Variants in KSR2 observed in about 807,000 individuals in gnomAD.
The protein encoded by KSR2 is kinase suppressor of ras 2.
Under a neutral mutation model 107.8 loss-of-function variants are expected in KSR2, and 25 were observed. That is an observed-to-expected ratio of 0.23 (90% CI 0.17 to 0.32). The LOEUF (loss-of-function observed/expected upper bound fraction) is 0.32. Ranked by LOEUF, KSR2 falls within the 10% of genes least tolerant of loss-of-function variation. The probability of loss-of-function intolerance (pLI) is 1.00; values close to 1 mark genes in which losing one functional copy is unlikely to be tolerated. For synonymous variants in KSR2, 480 were observed against 507.0 expected (o/e 0.95, Z 0.71); for missense variants, 887 against 1,268.9 (o/e 0.70, Z 4.57).
At chr12:117,564,663 T>C (rs756912273) in intron 7 of KSR2, among the ~76,000 whole-genome samples, 2 of 152,180 alleles carry the variant, frequency 1.3e-5, no homozygotes, top group Non-Finnish European at 2.9e-5. Flanking sequence ...AATATGTGAA[T>C]TTATCTTGAG....
intron 5 of KSR2, among the ~76,000 whole-genome samples, chr12:117,610,535 G>T (rs2136315216): frequency 6.6e-6 from 1 of 152,156 alleles, no homozygotes; most frequent in East Asian, 1.9e-4. Context: ...ATCTCTTGAG[G>T]TCAAGGGTTC....
intron 5 of KSR2, among the ~76,000 whole-genome samples, chr12:117,655,010 C>A (rs554482539): frequency 6.6e-6 from 1 of 152,320 alleles, no homozygotes; most frequent in East Asian, 1.9e-4. Context: ...GCCCAATTTG[C>A]CAGCAGCAGA....
At chr12:117,621,739 T>C (rs944840222) in intron 5 of KSR2, among the ~76,000 whole-genome samples, 2 of 152,076 alleles carry the variant, frequency 1.3e-5, no homozygotes, top group African/African-American at 4.8e-5. Context: ...AAGTGAAGAG[T>C]ACATAGGAAC....
Position 117,463,017 on chromosome 12 carries a change from A to G in KSR2, c.*4182T>C, listed in dbSNP as rs537145710. On this transcript the variant is annotated 3_prime_UTR_variant, in exon 20 of 20. Transcript: ENST00000339824. ...AGAAACCAACCCTGCTGACACCTTG[A>G]TCTTGGGACTTCCAGCCTCAAGAAT... 5 of 152,354 alleles carry G rather than the reference A, an allele frequency of 3.3e-5. No individual in the cohort carries two copies. In the East Asian group the frequency reaches 9.6e-4, roughly 29 times the overall value. 9.4% of individuals were successfully genotyped at this position (152,354 alleles called of 1,614,324 possible).
rs1246200364 is a variant in KSR2, at chr12:117,455,030, C to CAGAGAGAGAGAGAGAGAGAGAGAGAG, written c.*12168_*12169insCTCTCTCTCTCTCTCTCTCTCTCTCT. The CAGAGAGAGAGAGAGAGAGAGAGAGAG allele has an allele frequency of 5.8e-5, 7 of 120,170 alleles. No individual in the cohort carries two copies. The highest frequency in any genetic ancestry group is 1.2e-4 in the African/African-American group (3 of 25,020). 7.4% of individuals were successfully genotyped at this position (120,170 alleles called of 1,614,324 possible). On this transcript the variant is annotated 3_prime_UTR_variant, in exon 20 of 20. Transcript: ENST00000339824. ...AGACAGAGACAGACACAGAGACAGA[C>CAGAGAGAGAGAGAGAGAGAGAGAGAG]AGACAGAGAGAGAGAGAGAGAGAGA...
intron 4 of KSR2, among the ~76,000 whole-genome samples, chr12:117,694,514 A>G (rs1441595573): frequency 1.3e-5 from 2 of 152,212 alleles, no homozygotes; most frequent in Admixed American, 6.5e-5. Flanking sequence ...TACTAGCAGC[A>G]TGAGAGCAGA....
intron 14 of KSR2, among the ~76,000 whole-genome samples, chr12:117,493,192 A>G (rs1289796675): frequency 6.6e-6 from 1 of 152,142 alleles, no homozygotes; most frequent in East Asian, 1.9e-4. Flanking sequence ...CATGAATATT[A>G]TTGCTAATAA....
At chr12:117,615,173 A>T (rs918157343) in intron 5 of KSR2, among the ~76,000 whole-genome samples, 4 of 151,452 alleles carry the variant, frequency 2.6e-5, no homozygotes, top group Non-Finnish European at 4.4e-5. Context: ...GGTAAGACAC[A>T]CTCAGAGTCC....
chr12:117,635,672 A>G (rs1883033603), intron 5 of KSR2, among the ~76,000 whole-genome samples: 1 of 152,228 alleles, frequency 6.6e-6, no homozygotes, highest in Non-Finnish European at 1.5e-5. Flanking sequence ...TCAGATTTAC[A>G]GAAAAGTTGC....
chr12:117,783,131 A>G (rs1889942911), intron 3 of KSR2, among the ~76,000 whole-genome samples: 1 of 152,136 alleles, frequency 6.6e-6, no homozygotes, highest in East Asian at 1.9e-4. Context: ...CCTTTTTTGG[A>G]AAGTGTACCG....
At chr12:117,861,069 G>C (rs2137247565) in intron 1 of KSR2, among the ~76,000 whole-genome samples, 1 of 152,236 alleles carries the variant, frequency 6.6e-6, no homozygotes, top group Admixed American at 6.5e-5. Flanking sequence ...TCCTCCAACA[G>C]ACACCCATCC....
In KSR2 at chr12:117,792,035, T is replaced by A. The variant is rs144598569; in HGVS notation, c.473-30511A>T. 5.0e-3 allele frequency among the ~76,000 whole-genome samples: 762 copies of A among 152,138 alleles called. 5 individuals are homozygous for A. Among genetic ancestry groups the A allele is most frequent in the African/African-American group, 0.017 (703 of 41,518 alleles). On this transcript the variant is annotated intron_variant, in intron 3 of 19. Transcript: ENST00000339824. Reference sequence around the variant, plus strand: ...CCTCTGTAAGATGCAAAGGGAGCAATGATAAAGCATTGCGGTTTTGGCCAA... The same window carrying A: ...CCTCTGTAAGATGCAAAGGGAGCAAAGATAAAGCATTGCGGTTTTGGCCAA...
intron 5 of KSR2, among the ~76,000 whole-genome samples, chr12:117,630,978 C>T (rs1175055717): frequency 6.6e-6 from 1 of 152,084 alleles, no homozygotes; most frequent in Non-Finnish European, 1.5e-5. Context: ...AAAAATGCTC[C>T]CCAGGCTGAC....
intron 17 of KSR2, among the ~76,000 whole-genome samples, chr12:117,474,695 T>C (rs986418009): frequency 8.5e-5 from 13 of 152,058 alleles, no homozygotes; most frequent in African/African-American, 3.1e-4. Flanking sequence ...AGGCCCTTCT[T>C]CTCCTTCTGT....
chr12:117,634,364 T>C (rs545349074), intron 5 of KSR2, among the ~76,000 whole-genome samples: 1 of 152,258 alleles, frequency 6.6e-6, no homozygotes, highest in South Asian at 2.1e-4. Flanking sequence ...CCAAAAGCCA[T>C]TGCATGCATC....
At chr12:117,474,404 C>T (rs565904955) in intron 17 of KSR2, among the ~76,000 whole-genome samples, 2 of 152,240 alleles carry the variant, frequency 1.3e-5, no homozygotes, top group Non-Finnish European at 1.5e-5. Flanking sequence ...GAATTCTGAT[C>T]TTCCAGAAAT....
chr12:117,597,242 G>A (rs1301212806), intron 5 of KSR2, among the ~76,000 whole-genome samples: 7 of 152,130 alleles, frequency 4.6e-5, no homozygotes, highest in Non-Finnish European at 5.9e-5. Flanking sequence ...CCCCAGCCCC[G>A]CCAAAGATTG....
chr12:117,840,821 T>A (rs900122714), intron 3 of KSR2, among the ~76,000 whole-genome samples: 1 of 151,248 alleles, frequency 6.6e-6, no homozygotes, highest in African/African-American at 2.4e-5. Flanking sequence ...GCCAACATGG[T>A]GAAACCCCGT....
chr12:117,698,465 A>C (rs1294986944), intron 4 of KSR2, among the ~76,000 whole-genome samples: 1 of 151,522 alleles, frequency 6.6e-6, no homozygotes, highest in Non-Finnish European at 1.5e-5. Flanking sequence ...ATGGGCATGC[A>C]CCACCACTCC....
Sources: gnomAD v4.1 joint callset for allele counts (sites outside exome capture counted in the v4.1 genomes callset) on GRCh38, gnomAD v4.1.1 for gene constraint, MANE v1.5 for transcripts, NCBI Gene and HGNC (gene_info 2026-07-23, HGNC 2026-07-21) for gene names.